MLH3: variants seen among roughly 807,000 people sequenced by gnomAD.
MLH3 encodes DNA mismatch repair protein Mlh3.
A neutral mutation model predicts 122.2 loss-of-function variants in MLH3; 82 were observed. That is an observed-to-expected ratio of 0.67 (90% CI 0.56 to 0.81). The LOEUF (loss-of-function observed/expected upper bound fraction) is 0.81, where lower values mean the gene tolerates loss of function less well. Ranked by LOEUF, MLH3 falls within the 30% of genes least tolerant of loss-of-function variation. The probability of loss-of-function intolerance (pLI) is 0.00; values close to 1 mark genes in which losing one functional copy is unlikely to be tolerated. For synonymous variants in MLH3, 524 were observed against 599.5 expected (o/e 0.87, Z 1.84); for missense variants, 1,539 against 1,714.5 (o/e 0.90, Z 1.81).
At position 75,041,703 on chromosome 14, in the gene MLH3, A is replaced by C; in HGVS notation, c.3380-3T>G. The C allele has an allele frequency of 6.2e-7, 1 of 1,610,048 alleles. No homozygotes were observed. Among genetic ancestry groups the C allele is most frequent in the Non-Finnish European group, 8.5e-7 (1 of 1,176,238 alleles). On this transcript the variant is annotated splice_region_variant and splice_polypyrimidine_tract_variant and intron_variant, in intron 3 of 12. Coordinates refer to ENST00000355774, the MANE Select transcript of MLH3 (RefSeq NM_001040108.2). ...ACTAACAGTATCATCCACAGTATCT[A>C]GGGCAAAAGGGAACAGGTAAAGTTG...
chr14:75,040,449 C>CAAAAAAAAAAAAAAAAAAAAAA lies in MLH3; in HGVS notation c.3466-456_3466-435dup, dbSNP rs36233766. ...TGGGCGACACAGCAAGACTCTGTCA[C>CAAAAAAAAAAAAAAAAAAAAAA]AAAAAAAAAAAAAAAAAAAAAAAAA... On this transcript the variant is annotated intron_variant, in intron 4 of 12. Transcript: ENST00000355774. 1.7e-4 allele frequency among the ~76,000 whole-genome samples: 6 copies of CAAAAAAAAAAAAAAAAAAAAAA among 35,596 alleles called. 1 individual carries two copies. The highest frequency in any genetic ancestry group is 5.5e-4 in the Admixed American group (1 of 1,830). 23.4% of individuals were successfully genotyped at this position (35,596 alleles called of 152,430 possible).
rs776538240 is a variant in MLH3 at position 75,033,496 on chromosome 14, T to C, written c.3644-6A>G. On this transcript the variant is annotated splice_polypyrimidine_tract_variant and splice_region_variant and intron_variant, in intron 6 of 12. Coordinates refer to ENST00000355774, the MANE Select transcript of MLH3 (RefSeq NM_001040108.2). ...CAGCACGAGCAGGTTCCCACCTAGA[T>C]GAGCAAGGATTGTGAACTTTGATTC... 17 of 1,612,148 alleles carry C rather than the reference T, an allele frequency of 1.1e-5. No individual in the cohort carries two copies. The highest frequency in any genetic ancestry group is 8.3e-5 in the Admixed American group (5 of 59,986).
chr14:75,029,349 T>C (rs1890885475), intron 9 of MLH3, among the ~76,000 whole-genome samples: 1 of 151,920 alleles, frequency 6.6e-6, no homozygotes, highest in Non-Finnish European at 1.5e-5. Context: ...TGAAAGAAAA[T>C]CTGCATTTAA....
In MLH3 at chr14:75,048,943, T is replaced by C. The variant is rs144707485; in HGVS notation, c.713A>G (p.Tyr238Cys). The C allele has an allele frequency of 2.0e-5, 32 of 1,613,242 alleles. No homozygotes were observed. Among genetic ancestry groups the C allele is most frequent in the Middle Eastern group, 3.3e-4 (2 of 6,074 alleles). ...FKYKEFELSGYISSEAHYNKN... is the reference protein window; with the variant it reads ...FKYKEFELSGCISSEAHYNKN... ...GTTGTAATGTGCTTCAGAGCTGATA[T>C]AGCCACTAAGCTCAAACTCTTTATA... Residue 238 changes from tyrosine (Y) to cysteine (C), a missense_variant, in exon 2 of 13, where the codon TAT becomes TGT. Coordinates refer to ENST00000355774, the MANE Select transcript of MLH3 (RefSeq NM_001040108.2).
At chr14:75,045,933 C>T (rs1312106294) in intron 2 of MLH3, among the ~76,000 whole-genome samples, 5 of 152,060 alleles carry the variant, frequency 3.3e-5, no homozygotes, top group Admixed American at 1.3e-4. Context: ...AATCCCAACA[C>T]TCTGGGAGGC....
chr14:75,022,749 C>T, intron 11 of MLH3, 65 bp downstream of exon 11: 1 of 1,421,052 alleles, frequency 7.0e-7, no homozygotes, highest in Non-Finnish European at 1.0e-6. Flanking sequence ...CTTTTGTAAT[C>T]CCGGCAGCCC....
At chr14:75,041,959 G>GAAGC (rs1351814176) in intron 3 of MLH3, among the ~76,000 whole-genome samples, 2 of 152,244 alleles carry the variant, frequency 1.3e-5, no homozygotes, top group African/African-American at 4.8e-5. Flanking sequence ...TACTGACAGA[G>GAAGC]AAGCTATGGC....
At position 75,033,501 on chromosome 14, in the gene MLH3, A is replaced by G; in HGVS notation, c.3644-11T>C. On this transcript the variant is annotated splice_polypyrimidine_tract_variant and intron_variant, in intron 6 of 12. Transcript: ENST00000355774. ...CGAGCAGGTTCCCACCTAGATGAGCAAGGATTGTGAACTTTGATTCTCAGA... is the reference window on the plus strand; with the variant it reads ...CGAGCAGGTTCCCACCTAGATGAGCGAGGATTGTGAACTTTGATTCTCAGA... 1 of 1,610,758 alleles carries G rather than the reference A, an allele frequency of 6.2e-7. No individual in the cohort carries two copies. Among genetic ancestry groups the G allele is most frequent in the Non-Finnish European group, 8.5e-7 (1 of 1,176,946 alleles).
intron 9 of MLH3, among the ~76,000 whole-genome samples, chr14:75,029,910 G>A (rs551719365): frequency 6.6e-6 from 1 of 152,124 alleles, no homozygotes; most frequent in African/African-American, 2.4e-5. Context: ...GGTTTGGGAA[G>A]CCAATGCAAG....
chr14:75,045,147 C>T (rs1367083022), intron 2 of MLH3, among the ~76,000 whole-genome samples: 13 of 152,222 alleles, frequency 8.5e-5, no homozygotes, highest in African/African-American at 2.6e-4. Context: ...CTGGCCAACA[C>T]GGTAAAACCC....
intron 4 of MLH3, among the ~76,000 whole-genome samples, chr14:75,041,297 C>T (rs1339326215): frequency 6.6e-6 from 1 of 152,142 alleles, no homozygotes; most frequent in African/African-American, 2.4e-5. Context: ...CACCTGTAAT[C>T]CCAGGACTTT....
rs1358270074 is a variant in MLH3, at chr14:75,048,913, T to G, written c.743A>C (p.Asn248Thr). Residue 248 changes from asparagine to threonine, a missense_variant, in exon 2 of 13, where the codon AAT (asparagine) becomes ACT (threonine). Transcript: ENST00000355774. ...TTTGTTCACAAACAAAAACTGCATA[T>G]TCTTGTTGTAATGTGCTTCAGAGCT... ...YISSEAHYNK[N>T]MQFLFVNKRL... The G allele has an allele frequency of 4.3e-6, 7 of 1,613,514 alleles. No individual in the cohort carries two copies. The highest frequency in any genetic ancestry group is 5.9e-6 in the Non-Finnish European group (7 of 1,179,776).
chr14:75,015,183 C>T lies in MLH3; in HGVS notation c.*1899G>A, dbSNP rs887498488. ...AAAAACAACATAAAACCCTAACAGG[C>T]GATAAAGGTAATCTATTAGATATTT... On this transcript the variant is annotated 3_prime_UTR_variant, in exon 13 of 13. Transcript: ENST00000355774. The T allele has an allele frequency of 9.1e-5, 16 of 175,628 alleles. No homozygotes were observed. The highest frequency in any genetic ancestry group is 2.0e-4 in the South Asian group (1 of 5,016). The allele number at this position is 175,628 out of a possible 1,614,324, so 10.9% of individuals were successfully genotyped here. A position where few individuals can be genotyped will look rare whatever the true frequency, so the allele number is the denominator to read the frequency against.
Position 75,049,256 on chromosome 14 carries a change from CACAAG to C in MLH3, c.395_399del (p.Ala132GlyfsTer3). 1 of 1,614,222 alleles carries C rather than the reference CACAAG, an allele frequency of 6.2e-7. No individual in the cohort carries two copies. The highest frequency in any genetic ancestry group is 8.5e-7 in the Non-Finnish European group (1 of 1,180,030). On this transcript the variant is annotated frameshift_variant, in exon 2 of 13. Transcript: ENST00000355774. LOFTEE classifies it high-confidence loss of function. ...GCGCTTGCTCTAGTCACATCAGCTT[CACAAG>C]CTTTCAGGGCTTTTCCACTCTGAAA...
At chr14:75,040,406 C>T (rs550742146) in intron 4 of MLH3, among the ~76,000 whole-genome samples, 13 of 126,898 alleles carry the variant, frequency 1.0e-4, no homozygotes, top group Middle Eastern at 5.4e-3. Context: ...GCTGAGATCA[C>T]GCCACTGCAC....
chr14:75,032,031 G>T, intron 8 of MLH3, 37 bp downstream of exon 8: 1 of 1,192,838 alleles, frequency 8.4e-7, no homozygotes, highest in Non-Finnish European at 1.3e-6. Context: ...TGTGAGAATT[G>T]ATACCATCAA....
chr14:75,048,177 T>C lies in MLH3; in HGVS notation c.1479A>G (p.Glu493=), dbSNP rs771363474. 9.3e-6 allele frequency: 15 copies of C among 1,613,944 alleles called. 1 individual carries two copies. In the South Asian group the frequency reaches 1.5e-4, roughly 17 times the overall value. ...CACACGGATTTTCTAAAGAGCTATG[T>C]TCCAGGAAAGATTTTTTATGTTTCT... is the stretch of plus-strand genomic sequence containing the variant. The part of the protein sequence containing the change: ...ENEKHKKSFL[E]HSSLENPCGT... Residue 493 remains glutamate (E), a synonymous_variant, in exon 2 of 13, where the codon GAA becomes GAG. Coordinates refer to ENST00000355774, the MANE Select transcript of MLH3 (RefSeq NM_001040108.2).
chr14:75,015,044 C>T lies in MLH3; in HGVS notation c.*2038G>A, dbSNP rs148780133. 2.8e-5 allele frequency: 5 copies of T among 177,930 alleles called. No homozygotes were observed. The East Asian group carries it at 4.7e-4, about 17-fold the overall frequency. 11.0% of individuals were successfully genotyped at this position (177,930 alleles called of 1,614,324 possible). The stretch of plus-strand genomic sequence containing the variant: ...CCTTACCTCATGGACTGTCAAGAAA[C>T]TAAACTAAGATAAAGTATGAGAAAA... On this transcript the variant is annotated 3_prime_UTR_variant, in exon 13 of 13. Coordinates refer to ENST00000355774, the MANE Select transcript of MLH3 (RefSeq NM_001040108.2).
At position 75,032,077 on chromosome 14, in the gene MLH3, C is replaced by T; in HGVS notation, c.3818G>A (p.Arg1273Lys). ...TCATGGTGGTACTGACCATAAGAGT[C>T]TCCTTTGTTCCTCTGTCACTGTTAT... ...LEITVTEEQRRLLWCYHKNLE... is the reference protein window; with the variant it reads ...LEITVTEEQRKLLWCYHKNLE... Residue 1273 changes from arginine (R) to lysine (K), a missense_variant, in exon 8 of 13, where the codon AGA (arginine) becomes AAA (lysine). Arg to Lys is a conservative substitution (Grantham distance 26, BLOSUM62 2). Coordinates refer to ENST00000355774, the MANE Select transcript of MLH3 (RefSeq NM_001040108.2). 6.3e-7 allele frequency: 1 copy of T among 1,598,366 alleles called. No individual in the cohort carries two copies. The highest frequency in any genetic ancestry group is 8.6e-7 in the Non-Finnish European group (1 of 1,165,696).
Sources: gnomAD v4.1 joint callset for allele counts (sites outside exome capture counted in the v4.1 genomes callset) on GRCh38, gnomAD v4.1.1 for gene constraint, MANE v1.5 for transcripts, NCBI Gene and HGNC (gene_info 2026-07-23, HGNC 2026-07-21) for gene names.